The following ALKBH2 variants were observed in gnomAD, a reference collection of about 807,000 sequenced individuals.
ALKBH2 encodes the protein DNA oxidative demethylase ALKBH2.
A neutral mutation model predicts 19.7 loss-of-function variants in ALKBH2; 19 were observed. That is an observed-to-expected ratio of 0.97 (90% CI 0.67 to 1.42). The LOEUF (loss-of-function observed/expected upper bound fraction) is 1.42. Ranked by LOEUF, ALKBH2 falls within the 40% of genes most tolerant of loss-of-function variation. The pLI, the probability that ALKBH2 is intolerant of heterozygous loss-of-function variation, is 0.00. For synonymous variants in ALKBH2, 135 were observed against 131.2 expected (o/e 1.03, Z -0.20); for missense variants, 310 against 328.5 (o/e 0.94, Z 0.43).
intron 2 of ALKBH2, among the ~76,000 whole-genome samples, chr12:109,091,589 G>A (rs1211761655): frequency 2.0e-5 from 3 of 152,154 alleles, no homozygotes; most frequent in Non-Finnish European, 4.4e-5. Flanking sequence ...CCAGGCTGGA[G>A]TGCAGTGGTG....
intron 3 of ALKBH2, among the ~76,000 whole-genome samples, chr12:109,089,301 C>T (rs570552574): frequency 6.6e-6 from 1 of 152,290 alleles, no homozygotes; most frequent in African/African-American, 2.4e-5. Context: ...TCAGCTCAAA[C>T]GCACTGCCTC....
chr12:109,090,110 G>A lies in ALKBH2; in HGVS notation c.378C>T (p.Gly126=), dbSNP rs1249795385. ...TCCAGGGCTTTGGAGACAGCGTGAG[G>A]CCTGAAAATGTGTAGGTCAGCCCAG... ...GDAGLTYTFS[G]LTLSPKPWIP... Residue 126 remains glycine (G), a synonymous_variant, in exon 3 of 4, where the codon GGC becomes GGT. Coordinates refer to ENST00000429722, the MANE Select transcript of ALKBH2 (RefSeq NM_001145374.2). The A allele has an allele frequency of 6.2e-7, 1 of 1,614,178 alleles. No individual in the cohort carries two copies. The highest frequency in any genetic ancestry group is 1.1e-5 in the South Asian group (1 of 91,080).
chr12:109,090,389 C>T, intron 2 of ALKBH2, among the ~76,000 whole-genome samples, 182 bp from the exon 3 acceptor site: 1 of 152,152 alleles, frequency 6.6e-6, no homozygotes, highest in East Asian at 1.9e-4. Context: ...CAATTTAAAC[C>T]CCTCTTCAAT....
rs1033973311 is a variant in ALKBH2 at position 109,093,247 on chromosome 12, C to T, written c.-152G>A. Reference sequence around the variant, plus strand: ...TAAGGAGGAAGGACCCATAACTGACCTCGCTGCCCCCCACCAGTGTTAAAA... The same window carrying T: ...TAAGGAGGAAGGACCCATAACTGACTTCGCTGCCCCCCACCAGTGTTAAAA... On this transcript the variant is annotated splice_region_variant and 5_prime_UTR_variant, in exon 1 of 4. Coordinates refer to ENST00000429722, the MANE Select transcript of ALKBH2 (RefSeq NM_001145374.2). The T allele has an allele frequency of 3.7e-5, 6 of 162,436 alleles. No homozygotes were observed. Among genetic ancestry groups the T allele is most frequent in the African/African-American group, 1.4e-4 (6 of 41,592 alleles). The allele number at this position is 162,436 out of a possible 1,614,324, so 10.1% of individuals were successfully genotyped here.
intron 1 of ALKBH2, 144 bp downstream of exon 1, chr12:109,093,103 G>T: frequency 3.4e-6 from 1 of 298,174 alleles, no homozygotes; most frequent in Non-Finnish European, 5.9e-6. Context: ...ACTACCTCCT[G>T]GGAATTCGCA....
Position 109,088,571 on chromosome 12 carries a change from A to G in ALKBH2, c.480-59T>C. The G allele has an allele frequency of 6.8e-7, 1 of 1,479,478 alleles. No individual in the cohort carries two copies. The allele number at this position is 1,479,478 out of a possible 1,614,324, so 91.6% of individuals were successfully genotyped here. A position where few individuals can be genotyped will look rare whatever the true frequency, so the allele number is the denominator to read the frequency against. ...CAACCCTCTCCTGAAACTCACCAGC[A>G]CCGCCAGCCCTCGTTTTCCTCACAG... On this transcript the variant is annotated intron_variant, in intron 3 of 3. Transcript: ENST00000429722. The surrounding 1 kb of genome is among the most constrained non-coding windows in gnomAD (Gnocchi z 4.2).
Position 109,093,431 on chromosome 12 carries a change from G to C in ALKBH2, c.-336C>G, listed in dbSNP as rs572617161. 23 of 152,412 alleles carry C rather than the reference G, an allele frequency of 1.5e-4. No homozygotes were observed. The highest frequency in any genetic ancestry group is 5.5e-4 in the African/African-American group (23 of 41,588). The allele number at this position is 152,412 out of a possible 1,614,324, so 9.4% of individuals were successfully genotyped here. A position where few individuals can be genotyped will look rare whatever the true frequency, so the allele number is the denominator to read the frequency against. Reference sequence around the variant, plus strand: ...TAGCATCGCAGCTCCGGCGCAGATCGGAATCCCGCAGTCACCCTGGTGGCC... The same window carrying C: ...TAGCATCGCAGCTCCGGCGCAGATCCGAATCCCGCAGTCACCCTGGTGGCC... On this transcript the variant is annotated 5_prime_UTR_variant, in exon 1 of 4. Transcript: ENST00000429722.
chr12:109,090,385 A>C (rs1001564522), intron 2 of ALKBH2, among the ~76,000 whole-genome samples, 178 bp from the exon 3 acceptor site: 1 of 152,144 alleles, frequency 6.6e-6, no homozygotes, highest in Non-Finnish European at 1.5e-5. Context: ...CATGCAATTT[A>C]AACCCCTCTT....
At chr12:109,093,140 A>C in intron 1 of ALKBH2, 107 bp downstream of exon 1, 2 of 222,994 alleles carry the variant, frequency 9.0e-6, no homozygotes, top group Non-Finnish European at 1.7e-5. Flanking sequence ...AGAAACTACA[A>C]TCCAAACCCT....
Position 109,089,694 on chromosome 12 carries a change from G to A in ALKBH2, c.479+315C>T, listed in dbSNP as rs559511981. 5.1e-5 allele frequency: 18 copies of A among 349,860 alleles called. No homozygotes were observed. The East Asian group carries it at 8.9e-4, about 17-fold the overall frequency. 21.7% of individuals were successfully genotyped at this position (349,860 alleles called of 1,614,324 possible). A position where few individuals can be genotyped will look rare whatever the true frequency, so the allele number is the denominator to read the frequency against. ...TTTGGGAGGCTGAGGTGGGAGGATC[G>A]CTTGAGCCTAGCAGTTTGAGACCAA... On this transcript the variant is annotated intron_variant, in intron 3 of 3. Transcript: ENST00000429722.
chr12:109,092,481 A>ACACG lies in ALKBH2; in HGVS notation c.280+25_280+26insCGTG, dbSNP rs1555264097. ...CCAAACAAGCCCTCAATGCACACAC[A>ACACG]CACACACACACACCCCTCTGCTTAC... On this transcript the variant is annotated intron_variant, in intron 2 of 3. Coordinates refer to ENST00000429722, the MANE Select transcript of ALKBH2 (RefSeq NM_001145374.2). 4 of 1,532,664 alleles carry ACACG rather than the reference A, an allele frequency of 2.6e-6. No homozygotes were observed. In the African/African-American group the frequency reaches 5.5e-5, roughly 21 times the overall value. The allele number at this position is 1,532,664 out of a possible 1,614,324, so 94.9% of individuals were successfully genotyped here. A position where few individuals can be genotyped will look rare whatever the true frequency, so the allele number is the denominator to read the frequency against.
chr12:109,088,443 G>A lies in ALKBH2; in HGVS notation c.549C>T (p.Pro183=). 1 of 1,613,672 alleles carries A rather than the reference G, an allele frequency of 6.2e-7. No individual in the cohort carries two copies. The highest frequency in any genetic ancestry group is 8.5e-7 in the Non-Finnish European group (1 of 1,179,708). Residue 183 remains proline, a synonymous_variant, in exon 4 of 4, where the codon CCC becomes CCT. Transcript: ENST00000429722. This position sits in a 1 kb window ranked among gnomAD's most constrained non-coding sequence, Gnocchi z 4.2. The part of the protein sequence containing the change: ...DDERELAPGS[P]IASVSFGACR... ...AGGCACCGAAGGAGACAGAGGCAAT[G>A]GGGCTCCCAGGGGCCAGTTCTCTTT...
intron 3 of ALKBH2, chr12:109,089,759 AAG>A: frequency 1.9e-6 from 1 of 512,882 alleles, no homozygotes; most frequent in African/African-American, 1.9e-5. Context: ...AAAAAAAAAA[AAG>A]AAAGAAAAAG....
chr12:109,092,384 C>A (rs1593313949), intron 2 of ALKBH2, 123 bp downstream of exon 2: 1 of 1,354,834 alleles, frequency 7.4e-7, no homozygotes, highest in Non-Finnish European at 9.6e-7. Flanking sequence ...TTGGATGAAT[C>A]CATTAGTGAA....
At chr12:109,089,776 G>A in intron 3 of ALKBH2, 3 of 543,986 alleles carry the variant, frequency 5.5e-6, no homozygotes, top group Non-Finnish European at 6.6e-6. Flanking sequence ...AAAAAGAGAA[G>A]AAGAAATTAT....
chr12:109,090,253 T>C, intron 2 of ALKBH2, 46 bp from the exon 3 acceptor site: 1 of 1,584,826 alleles, frequency 6.3e-7, no homozygotes, highest in Non-Finnish European at 8.6e-7. Context: ...GACCCCCATC[T>C]AGAAATCCAG....
chr12:109,088,249 C>A lies in ALKBH2; in HGVS notation c.743G>T (p.Arg248Leu). 6.2e-7 allele frequency: 1 copy of A among 1,611,376 alleles called. No homozygotes were observed. The change falls in exon 4 of 4, where the codon CGG (arginine) becomes CTG (leucine). Residue 248 changes from arginine (R) to leucine (L), a missense_variant. Arg to Leu is a moderately radical substitution (Grantham distance 102). Coordinates refer to ENST00000429722, the MANE Select transcript of ALKBH2 (RefSeq NM_001145374.2). This position sits in a 1 kb window ranked among gnomAD's most constrained non-coding sequence, Gnocchi z 4.2. ...AATTTTACGAAAAGTCAGATTCACC[C>A]GTGGAGCCAGAACCTTCTTTCTCAC... ...LPVRKKVLAPRVNLTFRKILL... is the reference protein window; with the variant it reads ...LPVRKKVLAPLVNLTFRKILL...
Position 109,088,351 on chromosome 12 carries a change from A to G in ALKBH2, c.641T>C (p.Val214Ala). The change falls in exon 4 of 4, where the codon GTC (valine) becomes GCC (alanine). Residue 214 changes from valine (V) to alanine (A), a missense_variant. Coordinates refer to ENST00000429722, the MANE Select transcript of ALKBH2 (RefSeq NM_001145374.2). The surrounding 1 kb of genome is among the most constrained non-coding windows in gnomAD (Gnocchi z 4.2). ...GKSPSRRVAV[V>A]RLPLAHGSLL... ...GCTCCCGTGGGCCAGCGGCAGCCTG[A>G]CCACCGCCACCCTCCTGGAGGGGCT... is the stretch of plus-strand genomic sequence containing the variant. 2 of 1,614,060 alleles carry G rather than the reference A, an allele frequency of 1.2e-6. No individual in the cohort carries two copies. The highest frequency in any genetic ancestry group is 2.2e-5 in the South Asian group (2 of 91,066).
chr12:109,092,987 T>C (rs934042333), intron 1 of ALKBH2, 50 bp from the exon 2 acceptor site: 5 of 1,364,490 alleles, frequency 3.7e-6, no homozygotes, highest in Non-Finnish European at 4.7e-6. Context: ...CTAGGGACAA[T>C]CTGATCCAGG....
Sources: gnomAD v4.1 joint callset for allele counts (sites outside exome capture counted in the v4.1 genomes callset) on GRCh38, gnomAD v4.1.1 for gene constraint, Gnocchi (gnomAD v3.1) non-coding constraint, MANE v1.5 for transcripts, NCBI Gene and HGNC (gene_info 2026-07-23, HGNC 2026-07-21) for gene names.